TNFAIP8: variants seen among roughly 807,000 people sequenced by gnomAD.
The protein encoded by TNFAIP8 is TNF alpha induced protein 8, also known as tumor necrosis factor alpha-induced protein 8.
Under a neutral mutation model 13.3 loss-of-function variants are expected in TNFAIP8, and 7 were observed. That is an observed-to-expected ratio of 0.52 (90% CI 0.30 to 0.99). The LOEUF (loss-of-function observed/expected upper bound fraction) is 0.99. Among genes scored for constraint, TNFAIP8 ranks in the 50% least tolerant of loss-of-function variants. TNFAIP8 has a pLI of 0.07. For missense variants in TNFAIP8, 258 were observed against 236.9 expected, an observed-to-expected ratio of 1.09 and a Z score of -0.58; for synonymous variants, 94 against 87.6, an observed-to-expected ratio of 1.07 and a Z score of -0.41.
At position 119,272,476 on chromosome 5, in the gene TNFAIP8, A is replaced by G. The variant is rs560185254; in HGVS notation, c.1+3569A>G. On this transcript the variant is annotated intron_variant, in intron 1 of 1. Transcript: ENST00000274456. The stretch of plus-strand genomic sequence containing the variant: ...GGTTTGGAATTCTGTTGTGTTTCAC[A>G]AGGGCAGTAGAATGATATTCAAAAT... 1.1e-4 allele frequency among the ~76,000 whole-genome samples: 16 copies of G among 152,374 alleles called. No individual in the cohort carries two copies. In the South Asian group the frequency reaches 3.3e-3, roughly 32 times the overall value.
chr5:119,277,981 A>G (rs914203565), intron 1 of TNFAIP8, among the ~76,000 whole-genome samples: 6 of 152,132 alleles, frequency 3.9e-5, no homozygotes, highest in Non-Finnish European at 5.9e-5. Context: ...CCACCTCTTA[A>G]TACCACCACC....
intron 1 of TNFAIP8, chr5:119,333,423 G>T: frequency 7.3e-7 from 1 of 1,369,508 alleles, no homozygotes; most frequent in East Asian, 2.6e-5. Flanking sequence ...GCATTTATGT[G>T]GTAAGCTTAT....
At chr5:119,322,769 C>T (rs1750102587) in intron 1 of TNFAIP8, among the ~76,000 whole-genome samples, 1 of 152,192 alleles carries the variant, frequency 6.6e-6, no homozygotes, top group African/African-American at 2.4e-5. Flanking sequence ...GACTCTCTCC[C>T]TGGTGATCCC....
intron 1 of TNFAIP8, among the ~76,000 whole-genome samples, chr5:119,272,393 T>C (rs1160712487): frequency 1.3e-5 from 2 of 152,206 alleles, no homozygotes; most frequent in African/African-American, 4.8e-5. Flanking sequence ...GTAACTTGCG[T>C]AAAGATGTCT....
chr5:119,378,830 T>C lies in TNFAIP8; in HGVS notation c.32-13986T>C, dbSNP rs112696540. 6.8e-3 allele frequency among the ~76,000 whole-genome samples: 1,037 copies of C among 152,214 alleles called. 1 individual carries two copies. Among genetic ancestry groups the C allele is most frequent in the Non-Finnish European group, 0.01 (693 of 68,012 alleles). On this transcript the variant is annotated intron_variant, in intron 1 of 1. Coordinates refer to ENST00000504771, the MANE Select transcript of TNFAIP8 (RefSeq NM_014350.4). ...GGTTCACGCCTGTAATCCCAGTGCT[T>C]TGGGAGGCTGAGACAGGAGGATCAC... is the stretch of plus-strand genomic sequence containing the variant.
chr5:119,284,719 CTA>C (rs1748726634), intron 1 of TNFAIP8, among the ~76,000 whole-genome samples: 1 of 152,136 alleles, frequency 6.6e-6, no homozygotes, highest in African/African-American at 2.4e-5. Flanking sequence ...AAACATGACT[CTA>C]AGTCTCACAG....
intron 1 of TNFAIP8, among the ~76,000 whole-genome samples, chr5:119,291,394 A>G (rs1748982184): frequency 6.6e-6 from 1 of 152,230 alleles, no homozygotes; most frequent in Non-Finnish European, 1.5e-5. Flanking sequence ...TTTTCAAAAG[A>G]GGGAGCAATT....
intron 1 of TNFAIP8, among the ~76,000 whole-genome samples, chr5:119,313,235 T>A (rs961251264): frequency 1.3e-5 from 2 of 152,232 alleles, no homozygotes; most frequent in African/African-American, 4.8e-5. Context: ...TCAAGACTAC[T>A]TAACAGCTCC....
At chr5:119,386,974 C>CCTCCCTCT (rs1385590887) in intron 1 of TNFAIP8, among the ~76,000 whole-genome samples, 2,930 of 133,508 alleles carry the variant, frequency 0.022, 102 homozygotes, top group African/African-American at 0.075. Flanking sequence ...TCCCTCCCTC[C>CCTCCCTCT]CTCCCTCTCT....
chr5:119,392,804 T>G lies in TNFAIP8; in HGVS notation c.32-12T>G. ...AATTGTTAATTCTTTTCCTCTCTTT[T>G]TTTTTTTTTAGTGGCCACAGATGTC... is the stretch of plus-strand genomic sequence containing the variant. On this transcript the variant is annotated splice_polypyrimidine_tract_variant and intron_variant, in intron 1 of 1. Coordinates refer to ENST00000504771, the MANE Select transcript of TNFAIP8 (RefSeq NM_014350.4). 6.7e-7 allele frequency: 1 copy of G among 1,497,216 alleles called. No individual in the cohort carries two copies. The highest frequency in any genetic ancestry group is 1.4e-5 in the African/African-American group (1 of 70,308). The allele number at this position is 1,497,216 out of a possible 1,614,324, so 92.7% of individuals were successfully genotyped here. A position where few individuals can be genotyped will look rare whatever the true frequency, so the allele number is the denominator to read the frequency against.
At chr5:119,293,866 T>C (rs1245880952) in intron 1 of TNFAIP8, among the ~76,000 whole-genome samples, 1 of 152,146 alleles carries the variant, frequency 6.6e-6, no homozygotes, top group African/African-American at 2.4e-5. Context: ...TAAAAAGTTT[T>C]TAAAAGGGCA....
chr5:119,389,054 G>A (rs1752792570), intron 1 of TNFAIP8, among the ~76,000 whole-genome samples: 1 of 152,104 alleles, frequency 6.6e-6, no homozygotes, highest in African/African-American at 2.4e-5. Flanking sequence ...ATAGAATTCA[G>A]AGAAATGCAG....
upstream of TNFAIP8, chr5:119,355,549 T>G: frequency 1.7e-6 from 1 of 580,678 alleles, no homozygotes. Flanking sequence ...TCCGTAATTT[T>G]TGGGTTGCAA....
rs138963572 is a variant in TNFAIP8 at position 119,291,233 on chromosome 5, A to C, written c.1+22326A>C. ...AGTAGATAGCAAGGGCTATAGGGCC[A>C]TGTCTTTATCTGTTTCTATTTCCCC... On this transcript the variant is annotated intron_variant, in intron 1 of 1. Transcript: ENST00000274456. 6.0e-4 allele frequency among the ~76,000 whole-genome samples: 92 copies of C among 152,322 alleles called. 1 individual carries two copies. The highest frequency in any genetic ancestry group is 2.2e-3 in the African/African-American group (90 of 41,562).
rs1753026659 is a variant in TNFAIP8 at position 119,394,611 on chromosome 5, A to ATGTTTTTTTTTTTT, written c.*1231_*1232insGTTTTTTTTTTTTT. 8.7e-6 allele frequency: 1 copy of ATGTTTTTTTTTTTT among 114,710 alleles called. No individual in the cohort carries two copies. Among genetic ancestry groups the ATGTTTTTTTTTTTT allele is most frequent in the African/African-American group, 4.0e-5 (1 of 24,756 alleles). The allele number at this position is 114,710 out of a possible 1,614,324, so 7.1% of individuals were successfully genotyped here. A position where few individuals can be genotyped will look rare whatever the true frequency, so the allele number is the denominator to read the frequency against. On this transcript the variant is annotated 3_prime_UTR_variant, in exon 2 of 2. Transcript: ENST00000504771. ...CATTTCCATTGTCACTGTGTCTATG[A>ATGTTTTTTTTTTTT]TTTTTTTTTTTTTTTTTTTGAGTCT...
chr5:119,319,983 G>A (rs1013202839), intron 1 of TNFAIP8, among the ~76,000 whole-genome samples: 2 of 152,208 alleles, frequency 1.3e-5, no homozygotes, highest in South Asian at 2.1e-4. Context: ...ACAGATTTCT[G>A]TTCAGTTCAA....
intron 1 of TNFAIP8, among the ~76,000 whole-genome samples, chr5:119,301,951 A>G (rs2112653841): frequency 6.6e-6 from 1 of 152,356 alleles, no homozygotes; most frequent in Middle Eastern, 3.4e-3. Context: ...GAGGTGTGAA[A>G]CAGATGTTCC....
intron 1 of TNFAIP8, among the ~76,000 whole-genome samples, chr5:119,302,594 C>A (rs73250902): frequency 0.01 from 1,542 of 152,288 alleles, 17 homozygotes; most frequent in African/African-American, 0.035. Context: ...TCTTCTGCCA[C>A]TCCTTTTACC....
intron 1 of TNFAIP8, among the ~76,000 whole-genome samples, chr5:119,303,041 TCCTCCCTGTTAGAAAG>T (rs1444788810): frequency 6.6e-6 from 1 of 152,096 alleles, no homozygotes; most frequent in Non-Finnish European, 1.5e-5. Flanking sequence ...CTTCAGCTCC[TCCTCCCTGTTAGAAAG>T]ACTCCCTTCA....
Sources: allele counts gnomAD v4.1 joint callset (sites outside exome capture counted in the v4.1 genomes callset), GRCh38; gene constraint gnomAD v4.1.1; transcripts MANE v1.5; gene names NCBI Gene and HGNC (gene_info 2026-07-23, HGNC 2026-07-21).